Variants in GRIA4 observed in about 807,000 individuals in gnomAD.
The protein encoded by GRIA4 is glutamate receptor 4.
A neutral mutation model predicts 104.0 loss-of-function variants in GRIA4; 34 were observed. The ratio of observed to expected loss-of-function variants is 0.33; its 90% CI spans 0.25 to 0.44. The LOEUF is 0.44. Ranked by LOEUF, GRIA4 falls within the 20% of genes least tolerant of loss-of-function variation. GRIA4 has a pLI of 1.00. For missense variants in GRIA4, 750 were observed against 1,096.5 expected, an observed-to-expected ratio of 0.68 and a Z score of 4.46; for synonymous variants, 386 against 381.9, an observed-to-expected ratio of 1.01 and a Z score of -0.13.
intron 3 of GRIA4, among the ~76,000 whole-genome samples, chr11:105,629,986 CAACCATATCT>C (rs907785900): frequency 1.3e-5 from 2 of 152,154 alleles, no homozygotes; most frequent in African/African-American, 4.8e-5. Context: ...TGTAACTTAG[CAACCATATCT>C]TATTTTCAAT....
intron 4 of GRIA4, among the ~76,000 whole-genome samples, chr11:105,761,969 TTAC>T (rs1456618439): frequency 6.6e-6 from 1 of 152,204 alleles, no homozygotes; most frequent in Non-Finnish European, 1.5e-5. Context: ...ATAAACAGTG[TTAC>T]TACCCATGTG....
At chr11:105,790,285 T>C (rs1376681180) in intron 4 of GRIA4, among the ~76,000 whole-genome samples, 1 of 152,222 alleles carries the variant, frequency 6.6e-6, no homozygotes, top group Non-Finnish European at 1.5e-5. Flanking sequence ...GTTACCTTTA[T>C]AGAAGCCAAT....
At chr11:105,961,470 C>G (rs962893598) in intron 14 of GRIA4, among the ~76,000 whole-genome samples, 10 of 152,132 alleles carry the variant, frequency 6.6e-5, no homozygotes, top group African/African-American at 2.4e-4. Flanking sequence ...GGTAAATATT[C>G]TGGACATTTT....
At chr11:105,727,679 AC>A (rs1458470120) in intron 3 of GRIA4, among the ~76,000 whole-genome samples, 1 of 152,180 alleles carries the variant, frequency 6.6e-6, no homozygotes, top group Non-Finnish European at 1.5e-5. Context: ...GCAGATCTCT[AC>A]GCAGAAACCC....
intron 4 of GRIA4, among the ~76,000 whole-genome samples, chr11:105,787,019 T>A (rs1941997973): frequency 6.6e-6 from 1 of 152,148 alleles, no homozygotes; most frequent in South Asian, 2.1e-4. Context: ...AAAGCACTCT[T>A]TCTTAGTGTA....
At chr11:105,835,543 A>C (rs926455484) in intron 4 of GRIA4, among the ~76,000 whole-genome samples, 1 of 151,912 alleles carries the variant, frequency 6.6e-6, no homozygotes, top group Admixed American at 6.6e-5. Context: ...AAAGCCATGG[A>C]TTTTGTGTGT....
chr11:105,965,607 T>C (rs1230869303), intron 14 of GRIA4, among the ~76,000 whole-genome samples: 2 of 152,140 alleles, frequency 1.3e-5, no homozygotes, highest in African/African-American at 2.4e-5. Flanking sequence ...TTGGCATTCT[T>C]AGAGGCAAAG....
At chr11:105,957,236 GC>G (rs1202181159) in intron 14 of GRIA4, among the ~76,000 whole-genome samples, 1 of 152,010 alleles carries the variant, frequency 6.6e-6, no homozygotes, top group Non-Finnish European at 1.5e-5. Context: ...GGTTTTTATG[GC>G]TTTTAGGTCT....
intron 4 of GRIA4, among the ~76,000 whole-genome samples, chr11:105,788,528 A>T (rs915064157): frequency 6.6e-6 from 1 of 152,184 alleles, no homozygotes; most frequent in Non-Finnish European, 1.5e-5. Context: ...AAAAATATAT[A>T]TAGTACATAT....
rs996255333 is a variant in GRIA4, at chr11:105,980,391, T to C, written c.*652T>C. 11 of 152,650 alleles carry C rather than the reference T, an allele frequency of 7.2e-5. No homozygotes were observed. Among genetic ancestry groups the C allele is most frequent in the African/African-American group, 1.2e-4 (5 of 41,456 alleles). 9.5% of individuals were successfully genotyped at this position (152,650 alleles called of 1,614,324 possible). On this transcript the variant is annotated 3_prime_UTR_variant, in exon 17 of 17. Coordinates refer to ENST00000282499, the MANE Select transcript of GRIA4 (RefSeq NM_000829.4). ...TTTTTCTAACCATCTTAGGGAACAA[T>C]ACATTGCAATAATTGATATAAATGC...
intron 3 of GRIA4, among the ~76,000 whole-genome samples, chr11:105,644,591 C>A (rs924466413): frequency 4.6e-5 from 7 of 151,892 alleles, no homozygotes; most frequent in Non-Finnish European, 7.4e-5. Flanking sequence ...GTGAAAGAGC[C>A]AGACTCCATC....
chr11:105,936,312 C>T (rs1224914759), intron 14 of GRIA4, among the ~76,000 whole-genome samples: 2 of 152,288 alleles, frequency 1.3e-5, no homozygotes, highest in East Asian at 3.9e-4. Context: ...AGAGCAAGGT[C>T]GAGAGAACAT....
At chr11:105,706,874 G>C (rs549565477) in intron 3 of GRIA4, 1 of 152,334 alleles carries the variant, frequency 6.6e-6, no homozygotes, top group African/African-American at 2.4e-5. Flanking sequence ...AGATGAATTG[G>C]GAATTACTGA....
At chr11:105,841,538 T>G (rs893278815) in intron 4 of GRIA4, among the ~76,000 whole-genome samples, 3 of 152,168 alleles carry the variant, frequency 2.0e-5, no homozygotes, top group Admixed American at 1.3e-4. Flanking sequence ...AAGCTGGGTT[T>G]TTTTTTCATT....
At chr11:105,857,257 G>T (rs879540393) in intron 4 of GRIA4, among the ~76,000 whole-genome samples, 2 of 152,012 alleles carry the variant, frequency 1.3e-5, no homozygotes, top group African/African-American at 2.4e-5. Context: ...TTCCTTTCTT[G>T]ACTCAAATCA....
intron 3 of GRIA4, among the ~76,000 whole-genome samples, chr11:105,637,913 T>C (rs1260532507): frequency 1.3e-5 from 2 of 152,198 alleles, no homozygotes; most frequent in African/African-American, 2.4e-5. Flanking sequence ...CAAGTTAACA[T>C]AGATAATCTG....
intron 3 of GRIA4, among the ~76,000 whole-genome samples, chr11:105,695,460 CTG>C (rs745358395): frequency 0.011 from 1,331 of 124,538 alleles, 11 homozygotes; most frequent in Non-Finnish European, 0.011. Context: ...GTGTGTGTGT[CTG>C]TGTGTGTGTG....
At chr11:105,948,597 T>C (rs1343980322) in intron 14 of GRIA4, among the ~76,000 whole-genome samples, 115 of 36,418 alleles carry the variant, frequency 3.2e-3, no homozygotes, top group Non-Finnish European at 5.1e-3. Context: ...TTCTTTTTGT[T>C]TTTTTTTTTT....
intron 5 of GRIA4, among the ~76,000 whole-genome samples, chr11:105,878,422 C>T (rs1945916477): frequency 2.6e-5 from 4 of 152,140 alleles, no homozygotes; most frequent in Admixed American, 1.3e-4. Flanking sequence ...GCAGTCTGTC[C>T]CTTAGCAGAG....
Sources: gnomAD v4.1 joint callset for allele counts (sites outside exome capture counted in the v4.1 genomes callset) on GRCh38, gnomAD v4.1.1 for gene constraint, MANE v1.5 for transcripts, NCBI Gene and HGNC (gene_info 2026-07-23, HGNC 2026-07-21) for gene names.